Variants in HDAC9 observed in about 807,000 individuals in gnomAD.
HDAC9 encodes histone deacetylase 9.
Under a neutral mutation model 139.4 loss-of-function variants are expected in HDAC9, and 41 were observed. The observed-to-expected ratio is 0.29, with a 90% CI of 0.23 to 0.38. The LOEUF is 0.38. HDAC9 is among the 10% of genes least tolerant of loss of function. The pLI is 1.00. For synonymous variants in HDAC9, 517 were observed against 476.2 expected (o/e 1.09, Z -1.12); for missense variants, 1,147 against 1,297.0 (o/e 0.88, Z 1.78).
At chr7:18,971,198 A>G (rs1784223244) in intron 24 of HDAC9, among the ~76,000 whole-genome samples, 1 of 152,226 alleles carries the variant, frequency 6.6e-6, no homozygotes, top group African/African-American at 2.4e-5. Flanking sequence ...GAAAAAAACA[A>G]AAACACAGAA....
intron 13 of HDAC9, among the ~76,000 whole-genome samples, chr7:18,735,594 A>G (rs1469862005): frequency 2.6e-5 from 4 of 152,152 alleles, no homozygotes; most frequent in South Asian, 2.1e-4. Flanking sequence ...ATTGGTCTAC[A>G]TAACTGTTTT....
intron 1 of HDAC9, among the ~76,000 whole-genome samples, chr7:18,378,007 G>A (rs913854521): frequency 3.9e-5 from 6 of 152,094 alleles, no homozygotes; most frequent in Non-Finnish European, 5.9e-5. Context: ...GTAGATGCAA[G>A]AAAATGAGTA....
intron 16 of HDAC9, among the ~76,000 whole-genome samples, chr7:18,778,653 A>G (rs183607128): frequency 1.3e-5 from 2 of 152,130 alleles, no homozygotes; most frequent in African/African-American, 4.8e-5. Context: ...GGGACTCTCA[A>G]ATTCCTTTAC....
At chr7:18,688,530 C>G (rs1023954071) in intron 12 of HDAC9, among the ~76,000 whole-genome samples, 4 of 151,822 alleles carry the variant, frequency 2.6e-5, no homozygotes, top group Non-Finnish European at 5.9e-5. Context: ...CATGTTTATT[C>G]TCTAATAGTT....
rs181069794 is a variant in HDAC9 at position 18,765,448 on chromosome 7, C to T, written c.2165-1658C>T. Among the ~76,000 whole-genome samples the T allele has an allele frequency of 8.2e-3, 1,250 of 152,048 alleles. 18 individuals are homozygous for T. Among genetic ancestry groups the T allele is most frequent in the African/African-American group, 0.028 (1,160 of 41,472 alleles). On this transcript the variant is annotated intron_variant, in intron 15 of 25. Coordinates refer to ENST00000686413, the MANE Select transcript of HDAC9 (RefSeq NM_178425.4). Reference sequence around the variant, plus strand: ...CAGGCTGGCAAACATGGTGAAACCCCGTCTCTACTAAAAATACAAAAATTA... The same window carrying T: ...CAGGCTGGCAAACATGGTGAAACCCTGTCTCTACTAAAAATACAAAAATTA...
At chr7:18,646,256 T>C (rs1787369154) in intron 9 of HDAC9, among the ~76,000 whole-genome samples, 1 of 152,130 alleles carries the variant, frequency 6.6e-6, no homozygotes, top group Admixed American at 6.5e-5. Context: ...TCTAAGCCAC[T>C]CCTCTCAATA....
intron 16 of HDAC9, among the ~76,000 whole-genome samples, chr7:18,776,643 T>C (rs1019180345): frequency 1.3e-5 from 2 of 151,940 alleles, no homozygotes; most frequent in African/African-American, 4.8e-5. Flanking sequence ...GGAAGGGGTG[T>C]GGAGTCTTGT....
At chr7:18,811,113 C>A (rs976475655) in intron 17 of HDAC9, among the ~76,000 whole-genome samples, 2 of 151,382 alleles carry the variant, frequency 1.3e-5, no homozygotes, top group African/African-American at 4.8e-5. Context: ...CTTTCTTATT[C>A]CTGAGAGTGG....
chr7:18,393,187 A>T (rs1786708394), intron 1 of HDAC9, among the ~76,000 whole-genome samples: 2 of 152,124 alleles, frequency 1.3e-5, no homozygotes, highest in Non-Finnish European at 2.9e-5. Context: ...GAGGAACAAT[A>T]ATCACTAAAG....
chr7:18,370,220 C>T (rs1286019989), intron 1 of HDAC9, among the ~76,000 whole-genome samples: 1 of 152,118 alleles, frequency 6.6e-6, no homozygotes, highest in Non-Finnish European at 1.5e-5. Context: ...ACTAGCAATC[C>T]AGTCAGTGTG....
intron 1 of HDAC9, among the ~76,000 whole-genome samples, chr7:18,121,588 A>T (rs902725351): frequency 1.3e-5 from 2 of 152,182 alleles, no homozygotes; most frequent in Non-Finnish European, 2.9e-5. Context: ...AAGGAGTTGA[A>T]AAAACAGCTT....
At chr7:18,385,309 C>T (rs1172140785) in intron 1 of HDAC9, among the ~76,000 whole-genome samples, 1 of 151,858 alleles carries the variant, frequency 6.6e-6, no homozygotes, top group Non-Finnish European at 1.5e-5. Context: ...TGTTCAATAA[C>T]GTTCTTCTCA....
chr7:18,402,838 A>G (rs1464440092), intron 1 of HDAC9, among the ~76,000 whole-genome samples: 11 of 152,212 alleles, frequency 7.2e-5, no homozygotes, highest in Non-Finnish European at 1.5e-5. Context: ...AAAGCCATAT[A>G]CATTATATTA....
At chr7:18,548,118 A>G (rs1162155864) in intron 2 of HDAC9, among the ~76,000 whole-genome samples, 1 of 152,008 alleles carries the variant, frequency 6.6e-6, no homozygotes, top group Non-Finnish European at 1.5e-5. Flanking sequence ...CCCTAATTTC[A>G]ATATTCTTGT....
intron 1 of HDAC9, among the ~76,000 whole-genome samples, chr7:18,442,245 G>A (rs919392635): frequency 2.6e-5 from 4 of 152,132 alleles, no homozygotes. Context: ...TCAACATTGA[G>A]CATTTTCTAC....
intron 2 of HDAC9, among the ~76,000 whole-genome samples, chr7:18,512,017 CAAAAAAAA>C (rs11337572): frequency 1.1e-4 from 11 of 96,574 alleles, no homozygotes; most frequent in Non-Finnish European, 1.6e-4. Flanking sequence ...ATGAATTAAG[CAAAAAAAA>C]AAAAAAAAAA....
At chr7:18,097,489 A>G (rs1782587312) in intron 1 of HDAC9, among the ~76,000 whole-genome samples, 2 of 145,110 alleles carry the variant, frequency 1.4e-5, no homozygotes, top group African/African-American at 2.5e-5. Context: ...TTAATGACCC[A>G]GGTTATCTTG....
chr7:18,290,551 T>C (rs1418395227), intron 1 of HDAC9: 1 of 456,394 alleles, frequency 2.2e-6, no homozygotes, highest in Non-Finnish European at 4.4e-6. Flanking sequence ...AAGAGAACTG[T>C]GAAAAAGATA....
chr7:18,881,907 A>G (rs1799768676), intron 22 of HDAC9, among the ~76,000 whole-genome samples: 2 of 152,110 alleles, frequency 1.3e-5, no homozygotes, highest in Admixed American at 6.6e-5. Flanking sequence ...CACTTCATGA[A>G]GGGTCAACCT....
Sources: gnomAD v4.1 joint callset for allele counts (sites outside exome capture counted in the v4.1 genomes callset) on GRCh38, gnomAD v4.1.1 for gene constraint, MANE v1.5 for transcripts, NCBI Gene and HGNC (gene_info 2026-07-23, HGNC 2026-07-21) for gene names.